GAB3: variants seen among roughly 807,000 people sequenced by gnomAD.
GAB3 encodes the protein GRB2-associated-binding protein 3.
Under a neutral mutation model 40.4 loss-of-function variants are expected in GAB3, and 12 were observed. The observed-to-expected ratio is 0.30, with a 90% CI of 0.19 to 0.48. The LOEUF is 0.48. Among genes scored for constraint, GAB3 ranks in the 20% least tolerant of loss-of-function variants. The pLI is 0.99. For missense variants in GAB3, 381 were observed against 461.9 expected (o/e 0.82, Z 1.61); for synonymous variants, 154 against 176.7 (o/e 0.87, Z 1.02).
chrX:154,685,324 A>G (rs1232849175), intron 8 of GAB3, among the ~76,000 whole-genome samples: 1 of 110,886 alleles, frequency 9.0e-6, no homozygotes, highest in African/African-American at 3.3e-5. Flanking sequence ...GTTTCTCAAT[A>G]TTTTTGGCCC....
Position 154,677,057 on chromosome X carries a change from A to C in GAB3, c.*1121T>G, listed in dbSNP as rs1248990586. ...GGAATTCATAGGTTTTTTCCTGGTC[A>C]TTGTGTCTGCTAGCTCACAGGGAAA... On this transcript the variant is annotated 3_prime_UTR_variant, in exon 10 of 10. Transcript: ENST00000424127. The C allele has an allele frequency of 9.0e-6, 1 of 111,655 alleles. No homozygotes were observed. The highest frequency in any genetic ancestry group is 1.9e-5 in the Non-Finnish European group (1 of 53,096). The allele number at this position is 111,655 out of a possible 1,213,427, so 9.2% of individuals were successfully genotyped here. A position where few individuals can be genotyped will look rare whatever the true frequency, so the allele number is the denominator to read the frequency against.
At chrX:154,725,266 A>T (rs1201383573) in intron 1 of GAB3, among the ~76,000 whole-genome samples, 1 of 111,666 alleles carries the variant, frequency 9.0e-6, no homozygotes, top group Admixed American at 9.5e-5. Context: ...CAGCCCTGGG[A>T]AACTAATACA....
chrX:154,722,350 G>C (rs2071146848), intron 1 of GAB3, among the ~76,000 whole-genome samples: 1 of 111,434 alleles, frequency 9.0e-6, no homozygotes, highest in African/African-American at 3.3e-5. Flanking sequence ...ATATGTAAGA[G>C]GAGCAAGTCG....
chrX:154,721,431 A>C (rs2071130898), intron 1 of GAB3, among the ~76,000 whole-genome samples: 1 of 112,255 alleles, frequency 8.9e-6, no homozygotes, highest in Non-Finnish European at 1.9e-5. Context: ...AGGGCAAGCG[A>C]GTGCACGCAA....
At chrX:154,736,265 T>C (rs947045207) in intron 1 of GAB3, among the ~76,000 whole-genome samples, 4 of 112,483 alleles carry the variant, frequency 3.6e-5, no homozygotes, top group Admixed American at 9.3e-5. Context: ...GCAGTTTTGA[T>C]GGAGTGGTGG....
At chrX:154,742,949 G>A (rs1557261501) in intron 1 of GAB3, among the ~76,000 whole-genome samples, 1 of 104,271 alleles carries the variant, frequency 9.6e-6, no homozygotes, top group African/African-American at 3.5e-5. Context: ...TCAACCAACT[G>A]TACACTTATG....
At chrX:154,749,641 G>C (rs2071581980) in intron 1 of GAB3, among the ~76,000 whole-genome samples, 1 of 112,429 alleles carries the variant, frequency 8.9e-6, no homozygotes, top group Non-Finnish European at 1.9e-5. Context: ...CAGTATTTAT[G>C]CACTCCTGAT....
chrX:154,689,659 A>G lies in GAB3; in HGVS notation c.1530+6258T>C, dbSNP rs782439439. Among the ~76,000 whole-genome samples, 16 of 111,424 alleles carry G rather than the reference A, an allele frequency of 1.4e-4. No individual in the cohort carries two copies. The South Asian group carries it at 3.8e-3, about 26-fold the overall frequency. ...AGAGCCAAATCATGAGTGAACTCCCATTCACAACTGCTTCAAAGAGAATAA... is the reference window on the plus strand; with the variant it reads ...AGAGCCAAATCATGAGTGAACTCCCGTTCACAACTGCTTCAAAGAGAATAA... On this transcript the variant is annotated intron_variant, in intron 8 of 9. Transcript: ENST00000424127.
At chrX:154,680,380 C>T (rs2070357214) in intron 8 of GAB3, 132 bp from the exon 9 acceptor site, 1 of 407,353 alleles carries the variant, frequency 2.5e-6, no homozygotes, top group African/African-American at 2.5e-5. Context: ...AGACCTGAGT[C>T]AATCAGCCTG....
At chrX:154,751,107 GGCCCAGCGCCCGCCC>G (rs2071609801), upstream of GAB3, 2 of 746,645 alleles carry the variant, frequency 2.7e-6, no homozygotes, top group African/African-American at 2.4e-5. Context: ...CGGCGGGGCG[GGCCCAGCGCCCGCCC>G]GCCCAGCGCC....
In GAB3 at chrX:154,680,125, T is replaced by C; in HGVS notation, c.1647+7A>G. On this transcript the variant is annotated splice_region_variant and intron_variant, in intron 9 of 9. Transcript: ENST00000424127. ...CTGGGAATTCTTAGACACAAAGCCC[T>C]TCCTACCTGCTGCATGGGGGCTGGT... is the stretch of plus-strand genomic sequence containing the variant. 1 of 1,160,350 alleles carries C rather than the reference T, an allele frequency of 8.6e-7. No individual in the cohort carries two copies. The highest frequency in any genetic ancestry group is 1.2e-6 in the Non-Finnish European group (1 of 850,047).
chrX:154,721,094 T>C (rs1453781205), intron 1 of GAB3, among the ~76,000 whole-genome samples: 2 of 111,704 alleles, frequency 1.8e-5, no homozygotes, highest in African/African-American at 6.5e-5. Flanking sequence ...ACCTATGTAC[T>C]GGGAAAAAAT....
At chrX:154,683,233 C>T (rs782550408) in intron 8 of GAB3, among the ~76,000 whole-genome samples, 1 of 111,434 alleles carries the variant, frequency 9.0e-6, no homozygotes, top group East Asian at 2.8e-4. Context: ...GAGTAACCCC[C>T]AATATTAGGA....
chrX:154,687,908 A>T (rs1225663396), intron 8 of GAB3, among the ~76,000 whole-genome samples: 1 of 112,256 alleles, frequency 8.9e-6, no homozygotes, highest in Non-Finnish European at 1.9e-5. Flanking sequence ...GTGCAAAGAA[A>T]ATTCAATGAA....
Position 154,750,974 on chromosome X carries a change from C to T in GAB3, c.52G>A (p.Glu18Lys). 1.2e-6 allele frequency: 1 copy of T among 817,617 alleles called. No individual in the cohort carries two copies. Among genetic ancestry groups the T allele is most frequent in the Non-Finnish European group, 1.5e-6 (1 of 673,016 alleles). The allele number at this position is 817,617 out of a possible 1,213,427, so 67.4% of individuals were successfully genotyped here. Residue 18 changes from glutamate to lysine, a missense_variant, in exon 1 of 10, where the codon GAG becomes AAG. Transcript: ENST00000424127. ...CTGWLVKSPP[E>K]RKLQRYAWRK... ...CTCACGTAGCGCTGTAGCTTCCTCT[C>T]GGGGGGCGACTTAACGAGCCAGCCG...
At chrX:154,733,634 C>T (rs1557260186) in intron 1 of GAB3, among the ~76,000 whole-genome samples, 1 of 112,177 alleles carries the variant, frequency 8.9e-6, no homozygotes, top group Non-Finnish European at 1.9e-5. Context: ...CCTCTGCTAT[C>T]ATGTTTAGAA....
intron 1 of GAB3, among the ~76,000 whole-genome samples, chrX:154,736,345 A>C (rs1440426812): frequency 8.9e-6 from 1 of 112,470 alleles, no homozygotes; most frequent in African/African-American, 3.2e-5. Context: ...GAATTAATCA[A>C]TTTAAGCATT....
At chrX:154,724,342 TTAAATAAATAAATAAATAAATAAA>T (rs782217148) in intron 1 of GAB3, among the ~76,000 whole-genome samples, 1 of 104,779 alleles carries the variant, frequency 9.5e-6, no homozygotes, top group African/African-American at 3.5e-5. Context: ...AGACTTCATC[TTAAATAAATAAATAAATAAATAAA>T]TAAATAAATA....
intron 1 of GAB3, 115 bp downstream of exon 1, chrX:154,750,839 G>A (rs2071603444): frequency 5.3e-6 from 2 of 374,330 alleles, no homozygotes; most frequent in South Asian, 2.6e-4. Flanking sequence ...CGCAGTCCCG[G>A]GCGCTGGGAG....
Sources: allele counts gnomAD v4.1 joint callset (sites outside exome capture counted in the v4.1 genomes callset), GRCh38; gene constraint gnomAD v4.1.1; transcripts MANE v1.5; gene names NCBI Gene and HGNC (gene_info 2026-07-23, HGNC 2026-07-21).